CACNA2D3: variants seen among roughly 807,000 people sequenced by gnomAD.
CACNA2D3 encodes voltage-dependent calcium channel subunit alpha-2/delta-3.
A neutral mutation model predicts 160.6 loss-of-function variants in CACNA2D3; 60 were observed. The ratio of observed to expected loss-of-function variants is 0.37; its 90% CI spans 0.30 to 0.46. The LOEUF (loss-of-function observed/expected upper bound fraction) is 0.46. Ranked by LOEUF, CACNA2D3 falls within the 20% of genes least tolerant of loss-of-function variation. The probability of loss-of-function intolerance (pLI) is 1.00; values close to 1 mark genes in which losing one functional copy is unlikely to be tolerated. For synonymous variants in CACNA2D3, 558 were observed against 492.9 expected, an observed-to-expected ratio of 1.13 and a Z score of -1.75; for missense variants, 1,205 against 1,365.0, an observed-to-expected ratio of 0.88 and a Z score of 1.85.
chr3:54,257,098 T>G (rs2107434348), intron 2 of CACNA2D3, among the ~76,000 whole-genome samples: 1 of 152,388 alleles, frequency 6.6e-6, no homozygotes. Context: ...TTTCACTTGC[T>G]GCAGTGACTA....
At chr3:54,290,664 G>A (rs1263161911) in intron 2 of CACNA2D3, among the ~76,000 whole-genome samples, 2 of 151,520 alleles carry the variant, frequency 1.3e-5, no homozygotes, top group East Asian at 1.9e-4. Flanking sequence ...CAACCCAAAT[G>A]TCCAACAATG....
At chr3:54,886,389 T>C (rs938083904) in intron 23 of CACNA2D3, among the ~76,000 whole-genome samples, 1 of 152,326 alleles carries the variant, frequency 6.6e-6, no homozygotes, top group Non-Finnish European at 1.5e-5. Flanking sequence ...GAGCCCAATG[T>C]GTCATTGTCT....
intron 31 of CACNA2D3, among the ~76,000 whole-genome samples, chr3:54,988,816 A>C (rs1356488107): frequency 6.6e-6 from 1 of 152,212 alleles, no homozygotes. Flanking sequence ...AGGGAAGAAA[A>C]AAAAAAGAAA....
At chr3:54,241,791 TTGG>T (rs1701978173) in intron 2 of CACNA2D3, among the ~76,000 whole-genome samples, 1 of 152,322 alleles carries the variant, frequency 6.6e-6, no homozygotes, top group African/African-American at 2.4e-5. Flanking sequence ...GCTGAGTGTG[TTGG>T]TGGTGGTAAC....
intron 3 of CACNA2D3, among the ~76,000 whole-genome samples, chr3:54,325,885 A>G (rs563431224): frequency 6.6e-6 from 1 of 152,254 alleles, no homozygotes; most frequent in Non-Finnish European, 1.5e-5. Flanking sequence ...TTATTTTTTG[A>G]TTTACATTGA....
Position 54,227,933 on chromosome 3 carries a change from G to A in CACNA2D3, c.205-92509G>A, listed in dbSNP as rs75775402. On this transcript the variant is annotated intron_variant, in intron 2 of 37. Coordinates refer to ENST00000474759, the MANE Select transcript of CACNA2D3 (RefSeq NM_018398.3). ...TCTTCTGAGCCACCCATGCTCATCT[G>A]AAGCAGAACTGACTTGCATTGGAAA... Among the ~76,000 whole-genome samples, 1,171 of 152,276 alleles carry A rather than the reference G, an allele frequency of 7.7e-3. 7 individuals are homozygous for A. Among genetic ancestry groups the A allele is most frequent in the Non-Finnish European group, 0.012 (846 of 68,018 alleles).
chr3:54,794,189 C>T (rs1419712913), intron 13 of CACNA2D3, among the ~76,000 whole-genome samples: 1 of 151,962 alleles, frequency 6.6e-6, no homozygotes, highest in African/African-American at 2.4e-5. Context: ...AATGTTTTAA[C>T]TTCCATTTTA....
chr3:54,862,935 G>C (rs952062127), intron 17 of CACNA2D3, among the ~76,000 whole-genome samples: 1 of 152,142 alleles, frequency 6.6e-6, no homozygotes, highest in African/African-American at 2.4e-5. Flanking sequence ...ATTCAAAACG[G>C]TCTGACGGCT....
chr3:54,420,324 C>G (rs957330466), intron 4 of CACNA2D3, among the ~76,000 whole-genome samples: 4 of 152,134 alleles, frequency 2.6e-5, no homozygotes, highest in Admixed American at 1.3e-4. Context: ...ACCTCGTGAT[C>G]CACCCACCTT....
intron 35 of CACNA2D3, among the ~76,000 whole-genome samples, chr3:55,054,499 C>T (rs376685703): frequency 6.6e-5 from 10 of 151,430 alleles, no homozygotes; most frequent in Middle Eastern, 3.5e-3. Flanking sequence ...GCATTTGGTT[C>T]ATTTATATAG....
rs1288579646 is a variant in CACNA2D3, at chr3:54,414,286, T to G, written c.381+27512T>G. ...AAAAATGCATTTCTGTTATAGAATC[T>G]TGAAATGTAAACATTGTTTCTGAAA... is the stretch of plus-strand genomic sequence containing the variant. On this transcript the variant is annotated intron_variant, in intron 4 of 37. Coordinates refer to ENST00000474759, the MANE Select transcript of CACNA2D3 (RefSeq NM_018398.3). 2.6e-5 allele frequency among the ~76,000 whole-genome samples: 4 copies of G among 152,216 alleles called. No homozygotes were observed. The East Asian group carries it at 7.7e-4, about 29-fold the overall frequency.
At chr3:55,039,481 G>T (rs1443671967) in intron 35 of CACNA2D3, among the ~76,000 whole-genome samples, 1 of 152,196 alleles carries the variant, frequency 6.6e-6, no homozygotes, top group Non-Finnish European at 1.5e-5. Context: ...TGAACCCTGT[G>T]TACCCATATG....
chr3:55,062,414 G>A (rs575025593), intron 35 of CACNA2D3, among the ~76,000 whole-genome samples: 3 of 146,512 alleles, frequency 2.0e-5, no homozygotes, highest in Non-Finnish European at 2.9e-5. Context: ...ACACCTGGCT[G>A]TATCTTCTCA....
At chr3:54,974,984 A>G (rs1702352894) in intron 29 of CACNA2D3, among the ~76,000 whole-genome samples, 1 of 152,166 alleles carries the variant, frequency 6.6e-6, no homozygotes. Flanking sequence ...AATATTATTT[A>G]TTGTAAAGTG....
chr3:54,474,977 T>C (rs1575477505), intron 4 of CACNA2D3, among the ~76,000 whole-genome samples: 1 of 152,168 alleles, frequency 6.6e-6, no homozygotes, highest in East Asian at 1.9e-4. Flanking sequence ...ACTAGTCTTT[T>C]TATTTGTAAA....
chr3:54,191,551 G>A (rs1355241038), intron 2 of CACNA2D3, among the ~76,000 whole-genome samples: 4 of 152,066 alleles, frequency 2.6e-5, no homozygotes, highest in South Asian at 2.1e-4. Flanking sequence ...TTTTTTGTCT[G>A]TGTTTTCAAG....
chr3:54,151,607 T>G (rs1700153217), intron 2 of CACNA2D3, among the ~76,000 whole-genome samples: 1 of 152,162 alleles, frequency 6.6e-6, no homozygotes, highest in Non-Finnish European at 1.5e-5. Context: ...GTCACCAGGA[T>G]GCATGGGGGC....
intron 9 of CACNA2D3, among the ~76,000 whole-genome samples, chr3:54,618,747 A>G (rs952369408): frequency 2.0e-5 from 3 of 152,136 alleles, no homozygotes; most frequent in Non-Finnish European, 4.4e-5. Context: ...ATTGAGTGCA[A>G]AGAACTGTAG....
At chr3:55,018,397 G>T (rs746267428) in intron 35 of CACNA2D3, 80 bp downstream of exon 35, 10 of 810,482 alleles carry the variant, frequency 1.2e-5, no homozygotes, top group South Asian at 2.9e-5. Flanking sequence ...TGTGTGACTT[G>T]CAGGCACAGT....
Sources: allele counts gnomAD v4.1 joint callset (sites outside exome capture counted in the v4.1 genomes callset), GRCh38; gene constraint gnomAD v4.1.1; transcripts MANE v1.5; gene names NCBI Gene and HGNC (gene_info 2026-07-23, HGNC 2026-07-21).